The following RANBP10 variants were observed in gnomAD, a reference collection of about 807,000 sequenced individuals.
RANBP10 encodes RAN binding protein 10, also known as ran-binding protein 10.
In RANBP10, 24 loss-of-function variants were observed where a neutral mutation model predicts 72.8. That is an observed-to-expected ratio of 0.33 (90% CI 0.24 to 0.46). The LOEUF (loss-of-function observed/expected upper bound fraction) is 0.46, where lower values mean the gene tolerates loss of function less well. Among genes scored for constraint, RANBP10 ranks in the 20% least tolerant of loss-of-function variants. The probability of loss-of-function intolerance (pLI) is 1.00; values close to 1 mark genes in which losing one functional copy is unlikely to be tolerated. For synonymous variants in RANBP10, 310 were observed against 322.3 expected, an observed-to-expected ratio of 0.96 and a Z score of 0.41; for missense variants, 679 against 817.5, an observed-to-expected ratio of 0.83 and a Z score of 2.07.
At position 67,726,222 on chromosome 16, in the gene RANBP10, A is replaced by G. The variant is rs2053595009; in HGVS notation, c.*206T>C. The G allele has an allele frequency of 6.2e-6, 4 of 642,712 alleles. No homozygotes were observed. In the African/African-American group the frequency reaches 7.4e-5, roughly 12 times the overall value. 39.8% of individuals were successfully genotyped at this position (642,712 alleles called of 1,614,324 possible). A position where few individuals can be genotyped will look rare whatever the true frequency, so the allele number is the denominator to read the frequency against. On this transcript the variant is annotated 3_prime_UTR_variant, in exon 14 of 14. Coordinates refer to ENST00000317506, the MANE Select transcript of RANBP10 (RefSeq NM_020850.3). ...CCAATACTGTGTTACAGGCCGCTGC[A>G]CGTGAAGGGGAGAGAGAGAGAGACT...
At chr16:67,794,432 G>A (rs1365206457) in intron 2 of RANBP10, among the ~76,000 whole-genome samples, 9 of 150,624 alleles carry the variant, frequency 6.0e-5, no homozygotes, top group South Asian at 4.2e-4. Context: ...GCGAGACTCC[G>A]TCTCAAAATA....
intron 2 of RANBP10, among the ~76,000 whole-genome samples, chr16:67,774,632 C>T (rs2054665169): frequency 6.6e-6 from 1 of 152,196 alleles, no homozygotes; most frequent in Non-Finnish European, 1.5e-5. Context: ...CACATTTGGG[C>T]ACCATTCCAC....
At chr16:67,805,291 G>A (rs2055343187) in intron 2 of RANBP10, 137 bp downstream of exon 2, 1 of 654,838 alleles carries the variant, frequency 1.5e-6, no homozygotes, top group Non-Finnish European at 2.6e-6. Flanking sequence ...CATGCCCACA[G>A]TCAGGAAATA....
At position 67,727,658 on chromosome 16, in the gene RANBP10, C is replaced by T. The variant is rs574329244; in HGVS notation, c.1620+93G>A. 4.4e-6 allele frequency: 7 copies of T among 1,578,320 alleles called. No individual in the cohort carries two copies. In the African/African-American group the frequency reaches 8.1e-5, roughly 18 times the overall value. ...CCTCTGCAGACCTGGCTGGAGCCCA[C>T]TCTTTCCTGCTGCCCCCTGGACTCT... On this transcript the variant is annotated intron_variant, in intron 12 of 13. Coordinates refer to ENST00000317506, the MANE Select transcript of RANBP10 (RefSeq NM_020850.3).
chr16:67,777,898 A>G (rs2054737005), intron 2 of RANBP10, among the ~76,000 whole-genome samples: 1 of 152,246 alleles, frequency 6.6e-6, no homozygotes, highest in Admixed American at 6.5e-5. Context: ...ACTCGCATAA[A>G]GACAGACCTA....
intron 2 of RANBP10, among the ~76,000 whole-genome samples, chr16:67,802,845 C>G (rs1482164836): frequency 6.6e-6 from 1 of 152,070 alleles, no homozygotes; most frequent in Non-Finnish European, 1.5e-5. Context: ...CCAACATAGC[C>G]AGACCTCATC....
chr16:67,753,995 G>A (rs1039530795), intron 3 of RANBP10, among the ~76,000 whole-genome samples: 1 of 151,996 alleles, frequency 6.6e-6, no homozygotes, highest in African/African-American at 2.4e-5. Context: ...ATTAGCCAGC[G>A]TGGTGGCGGG....
intron 5 of RANBP10, chr16:67,735,555 G>T: frequency 6.6e-6 from 1 of 152,510 alleles, no homozygotes; most frequent in East Asian, 1.9e-4. Context: ...AGGTTTTCAA[G>T]ACCAGTCTGG....
At chr16:67,777,102 C>CG (rs907725436) in intron 2 of RANBP10, among the ~76,000 whole-genome samples, 1 of 150,994 alleles carries the variant, frequency 6.6e-6, no homozygotes, top group African/African-American at 2.4e-5. Context: ...CCCAGCTATT[C>CG]GGGAGGCTGA....
In RANBP10 at chr16:67,758,707, C is replaced by G. The variant is rs375960044; in HGVS notation, c.400+13327G>C. 3.9e-4 allele frequency among the ~76,000 whole-genome samples: 59 copies of G among 152,352 alleles called. 1 individual carries two copies. Among genetic ancestry groups the G allele is most frequent in the East Asian group, 2.5e-3 (13 of 5,182 alleles). On this transcript the variant is annotated intron_variant, in intron 3 of 13. Coordinates refer to ENST00000317506, the MANE Select transcript of RANBP10 (RefSeq NM_020850.3). Reference sequence around the variant, plus strand: ...AACTGGCCCTCTGCTGTCGATGAAACCTTTTCTATCAAAGGACTTAACTTG... The same window carrying G: ...AACTGGCCCTCTGCTGTCGATGAAAGCTTTTCTATCAAAGGACTTAACTTG...
At chr16:67,770,935 A>G (rs2054596201) in intron 3 of RANBP10, among the ~76,000 whole-genome samples, 1 of 151,992 alleles carries the variant, frequency 6.6e-6, no homozygotes, top group African/African-American at 2.4e-5. Context: ...CCTGGGTGAA[A>G]AGCGAGACCC....
intron 2 of RANBP10, among the ~76,000 whole-genome samples, chr16:67,804,499 T>G (rs977564264): frequency 6.6e-6 from 1 of 151,958 alleles, no homozygotes; most frequent in African/African-American, 2.4e-5. Context: ...CCTCCCATGT[T>G]CAAGTGATTT....
chr16:67,735,803 G>A (rs778009349), intron 5 of RANBP10: 2 of 152,060 alleles, frequency 1.3e-5, no homozygotes, highest in African/African-American at 2.4e-5. Context: ...AGATACATGG[G>A]GGGTAGGCAG....
chr16:67,769,286 A>G (rs2054561712), intron 3 of RANBP10, among the ~76,000 whole-genome samples: 1 of 151,574 alleles, frequency 6.6e-6, no homozygotes, highest in African/African-American at 2.4e-5. Context: ...TATTAAAAAT[A>G]CAAAAAAACT....
intron 6 of RANBP10, 62 bp from the exon 7 acceptor site, chr16:67,731,646 T>G: frequency 7.8e-7 from 1 of 1,290,196 alleles, no homozygotes; most frequent in Non-Finnish European, 1.1e-6. Flanking sequence ...GACTACCCAA[T>G]GGACTCAGGA....
At chr16:67,800,343 G>C (rs1388017593) in intron 2 of RANBP10, among the ~76,000 whole-genome samples, 1 of 152,116 alleles carries the variant, frequency 6.6e-6, no homozygotes, top group African/African-American at 2.4e-5. Flanking sequence ...CAGTGCTCTA[G>C]CCCAGGCCTA....
intron 2 of RANBP10, among the ~76,000 whole-genome samples, chr16:67,773,722 C>T (rs1265488103): frequency 6.6e-6 from 1 of 152,142 alleles, no homozygotes; most frequent in East Asian, 1.9e-4. Flanking sequence ...GGGAAAGGAG[C>T]AAAGCAAAAG....
intron 12 of RANBP10, 88 bp downstream of exon 12, chr16:67,727,663 T>C: frequency 1.3e-6 from 2 of 1,585,772 alleles, no homozygotes; most frequent in Non-Finnish European, 1.7e-6. Context: ...GCCCACTCTT[T>C]CCTGCTGCCC....
chr16:67,767,865 G>A (rs1255460712), intron 3 of RANBP10, among the ~76,000 whole-genome samples: 2 of 151,948 alleles, frequency 1.3e-5, no homozygotes, highest in East Asian at 1.9e-4. Context: ...CAAAGTGATG[G>A]GATTACAGGC....
Sources: gnomAD v4.1 joint callset for allele counts (sites outside exome capture counted in the v4.1 genomes callset) on GRCh38, gnomAD v4.1.1 for gene constraint, MANE v1.5 for transcripts, NCBI Gene and HGNC (gene_info 2026-07-23, HGNC 2026-07-21) for gene names.